The following ADGRB3 variants were observed in gnomAD, a reference collection of about 807,000 sequenced individuals.
ADGRB3 encodes brain-specific angiogenesis inhibitor 3.
In ADGRB3, 37 loss-of-function variants were observed where a neutral mutation model predicts 193.4. That is an observed-to-expected ratio of 0.19 (90% CI 0.15 to 0.25). The LOEUF (loss-of-function observed/expected upper bound fraction) is 0.25. Among genes scored for constraint, ADGRB3 ranks in the 10% least tolerant of loss-of-function variants. ADGRB3 has a pLI of 1.00. For synonymous variants in ADGRB3, 690 were observed against 644.2 expected, an observed-to-expected ratio of 1.07 and a Z score of -1.08; for missense variants, 1,637 against 1,852.9, an observed-to-expected ratio of 0.88 and a Z score of 2.14.
chr6:68,868,935 G>T (rs1237296976), intron 3 of ADGRB3, among the ~76,000 whole-genome samples: 1 of 150,464 alleles, frequency 6.6e-6, no homozygotes, highest in African/African-American at 2.4e-5. Flanking sequence ...GTGTGTGTGT[G>T]TGTGTGAGTG....
intron 3 of ADGRB3, among the ~76,000 whole-genome samples, chr6:68,896,766 T>C (rs928677724): frequency 6.6e-6 from 1 of 152,140 alleles, no homozygotes; most frequent in African/African-American, 2.4e-5. Context: ...GCCTATCCAA[T>C]TTGATCATCA....
At chr6:68,765,076 T>A (rs1425471656) in intron 3 of ADGRB3, among the ~76,000 whole-genome samples, 1 of 152,192 alleles carries the variant, frequency 6.6e-6, no homozygotes, top group Non-Finnish European at 1.5e-5. Context: ...TGTCTATAGA[T>A]TCTCAGGGTT....
chr6:68,810,135 T>G (rs1051219892), intron 3 of ADGRB3, among the ~76,000 whole-genome samples: 15 of 152,258 alleles, frequency 9.9e-5, no homozygotes, highest in Admixed American at 3.3e-4. Flanking sequence ...TTATTATATA[T>G]GAACATAAAT....
chr6:68,977,355 A>T (rs1242327689), intron 10 of ADGRB3, among the ~76,000 whole-genome samples: 2 of 152,024 alleles, frequency 1.3e-5, no homozygotes, highest in East Asian at 3.9e-4. Context: ...ATCCATATTC[A>T]GTTCTTGTTC....
chr6:69,206,709 CAAAA>C (rs1018107895), intron 17 of ADGRB3, among the ~76,000 whole-genome samples: 63 of 152,154 alleles, frequency 4.1e-4, no homozygotes, highest in African/African-American at 1.5e-3. Flanking sequence ...AAGAAGGAAA[CAAAA>C]GAAGGAGAAA....
chr6:69,217,098 A>C (rs1765785750), intron 17 of ADGRB3, among the ~76,000 whole-genome samples: 1 of 152,196 alleles, frequency 6.6e-6, no homozygotes, highest in Non-Finnish European at 1.5e-5. Context: ...AGCAAGTCCA[A>C]CTGAATGAAT....
chr6:69,044,989 T>G (rs1371247950), intron 13 of ADGRB3, among the ~76,000 whole-genome samples: 1 of 152,218 alleles, frequency 6.6e-6, no homozygotes, highest in Non-Finnish European at 1.5e-5. Flanking sequence ...GCACTTATGC[T>G]TTTTATTTAT....
intron 20 of ADGRB3, among the ~76,000 whole-genome samples, chr6:69,307,373 G>A (rs117234561): frequency 0.025 from 3,832 of 151,604 alleles, 70 homozygotes; most frequent in Non-Finnish European, 0.035. Flanking sequence ...CTATGTTTAC[G>A]TGTTCCACAT....
chr6:68,655,122 C>A (rs1207432221), intron 3 of ADGRB3, among the ~76,000 whole-genome samples: 1 of 150,576 alleles, frequency 6.6e-6, no homozygotes, highest in East Asian at 1.9e-4. Flanking sequence ...ACACATCTCA[C>A]AGCTATAAAT....
At chr6:68,871,948 A>T (rs1004906406) in intron 3 of ADGRB3, among the ~76,000 whole-genome samples, 1 of 152,152 alleles carries the variant, frequency 6.6e-6, no homozygotes, top group Admixed American at 6.5e-5. Context: ...TTATTTCTTC[A>T]TAAGGTCATC....
intron 10 of ADGRB3, among the ~76,000 whole-genome samples, chr6:68,979,590 A>G (rs1768849208): frequency 6.6e-6 from 1 of 151,550 alleles, no homozygotes; most frequent in Non-Finnish European, 1.5e-5. Context: ...GAAAGTTTAA[A>G]TTTTTAATAT....
At chr6:68,920,772 AAAG>A (rs1381899916) in intron 3 of ADGRB3, among the ~76,000 whole-genome samples, 1 of 152,108 alleles carries the variant, frequency 6.6e-6, no homozygotes, top group African/African-American at 2.4e-5. Flanking sequence ...TGAATCCAAA[AAAG>A]AAGACAAATG....
At chr6:68,968,535 A>C (rs892691836) in intron 8 of ADGRB3, among the ~76,000 whole-genome samples, 9 of 152,304 alleles carry the variant, frequency 5.9e-5, no homozygotes, top group Middle Eastern at 3.4e-3. Context: ...AAAGCATTGA[A>C]AACCAAAAAG....
chr6:69,185,899 TAA>T (rs570846981), intron 17 of ADGRB3, among the ~76,000 whole-genome samples: 1 of 152,262 alleles, frequency 6.6e-6, no homozygotes, highest in African/African-American at 2.4e-5. Context: ...ATCTGTGTAT[TAA>T]GTCTTTTTTT....
chr6:69,202,661 A>G (rs1311081826), intron 17 of ADGRB3, among the ~76,000 whole-genome samples: 1 of 152,172 alleles, frequency 6.6e-6, no homozygotes, highest in African/African-American at 2.4e-5. Context: ...TCTCCCACAG[A>G]TAGTTGAGGG....
chr6:69,246,451 C>G (rs933986850), intron 20 of ADGRB3, among the ~76,000 whole-genome samples: 1 of 152,056 alleles, frequency 6.6e-6, no homozygotes, highest in Non-Finnish European at 1.5e-5. Flanking sequence ...TTCATCAAAC[C>G]AAGGAGCATA....
chr6:69,006,311 A>G (rs921055557), intron 11 of ADGRB3, among the ~76,000 whole-genome samples: 5 of 151,868 alleles, frequency 3.3e-5, no homozygotes, highest in African/African-American at 1.2e-4. Flanking sequence ...TTATCAGCCA[A>G]GTGCATCAGG....
chr6:69,147,269 G>T lies in ADGRB3; in HGVS notation c.2480+71231G>T, dbSNP rs577221792. ...ATTGATGTTTTTCTACCTTTTTGAG[G>T]TATGCACTTGTAGCTATAAAATTCC... On this transcript the variant is annotated intron_variant, in intron 17 of 31. Transcript: ENST00000370598. Among the ~76,000 whole-genome samples, 14 of 152,054 alleles carry T rather than the reference G, an allele frequency of 9.2e-5. No homozygotes were observed. In the South Asian group the frequency reaches 1.0e-3, roughly 11 times the overall value.
At chr6:69,158,412 C>A (rs1774902021) in intron 17 of ADGRB3, among the ~76,000 whole-genome samples, 1 of 141,898 alleles carries the variant, frequency 7.0e-6, no homozygotes, top group South Asian at 2.4e-4. Context: ...TATTAATTTA[C>A]TCACCCTCAG....
Sources: allele counts gnomAD v4.1 joint callset (sites outside exome capture counted in the v4.1 genomes callset), GRCh38; gene constraint gnomAD v4.1.1; transcripts MANE v1.5; gene names NCBI Gene and HGNC (gene_info 2026-07-23, HGNC 2026-07-21).